The following OTUD7A variants were observed in gnomAD, a reference collection of about 807,000 sequenced individuals.
OTUD7A encodes the protein OTU deubiquitinase 7A, also known as OTU domain-containing protein 7A.
OTUD7A carries 12 observed loss-of-function variants against 65.7 expected under a neutral mutation model. The ratio of observed to expected loss-of-function variants is 0.18; its 90% CI spans 0.12 to 0.30. The LOEUF (loss-of-function observed/expected upper bound fraction) is 0.30, where lower values mean the gene tolerates loss of function less well. Ranked by LOEUF, OTUD7A falls within the 10% of genes least tolerant of loss-of-function variation. OTUD7A has a pLI of 1.00. For synonymous variants in OTUD7A, 641 were observed against 586.3 expected (o/e 1.09, Z -1.35); for missense variants, 1,148 against 1,304.8 (o/e 0.88, Z 1.85).
At chr15:31,527,075 C>T (rs2042024797) in intron 7 of OTUD7A, 106 bp downstream of exon 7, 1 of 1,507,146 alleles carries the variant, frequency 6.6e-7, no homozygotes, top group Non-Finnish European at 8.9e-7. Context: ...CTGCCTTCCC[C>T]TCATAAGACT....
At chr15:31,791,908 C>T (rs1039275325) in intron 1 of OTUD7A, among the ~76,000 whole-genome samples, 2 of 152,184 alleles carry the variant, frequency 1.3e-5, no homozygotes, top group South Asian at 4.2e-4. Context: ...AAATGCACTC[C>T]CATGAAGGCT....
At chr15:31,864,760 TAC>T (rs72128495) in intron 1 of OTUD7A, among the ~76,000 whole-genome samples, 48,766 of 146,290 alleles carry the variant, frequency 0.33, 8,201 homozygotes, top group South Asian at 0.54. Context: ...CTCCTCTTCC[TAC>T]ACACACACAC....
chr15:31,520,898 G>A (rs544645081), intron 8 of OTUD7A, among the ~76,000 whole-genome samples: 29 of 152,144 alleles, frequency 1.9e-4, no homozygotes, highest in Admixed American at 9.2e-4. Flanking sequence ...CATCAACGTA[G>A]GATTAGATAA....
intron 1 of OTUD7A, among the ~76,000 whole-genome samples, chr15:31,806,760 C>T (rs568210236): frequency 5.3e-5 from 8 of 152,236 alleles, no homozygotes; most frequent in Non-Finnish European, 7.3e-5. Context: ...ACAAAAGTGA[C>T]CACAGAGCAT....
intron 1 of OTUD7A, among the ~76,000 whole-genome samples, chr15:31,850,415 TG>T (rs899574292): frequency 1.0e-5 from 1 of 96,596 alleles, no homozygotes; most frequent in African/African-American, 3.9e-5. Context: ...TGTTGTGGGG[TG>T]GGGGGAGTGG....
intron 1 of OTUD7A, among the ~76,000 whole-genome samples, chr15:31,853,784 G>A (rs1897490779): frequency 6.6e-6 from 1 of 152,202 alleles, no homozygotes; most frequent in African/African-American, 2.4e-5. Context: ...CCACAAACTT[G>A]AATCCAGTGT....
At chr15:31,728,158 T>C (rs1893944089) in intron 1 of OTUD7A, among the ~76,000 whole-genome samples, 1 of 152,220 alleles carries the variant, frequency 6.6e-6, no homozygotes, top group African/African-American at 2.4e-5. Context: ...CTCCTCCAAT[T>C]TTCCTGAGTT....
intron 3 of OTUD7A, among the ~76,000 whole-genome samples, chr15:31,646,938 G>C (rs921064810): frequency 2.0e-5 from 3 of 152,176 alleles, no homozygotes; most frequent in Non-Finnish European, 4.4e-5. Flanking sequence ...GTCTGTTTAA[G>C]AGTATTTAAA....
intron 1 of OTUD7A, among the ~76,000 whole-genome samples, chr15:31,854,664 T>C (rs562997753): frequency 2.6e-5 from 4 of 152,328 alleles, no homozygotes; most frequent in African/African-American, 7.2e-5. Context: ...TAAAGTCAGC[T>C]GACTAGCAAC....
chr15:31,697,116 C>T (rs78661959), intron 1 of OTUD7A, among the ~76,000 whole-genome samples: 103,410 of 111,290 alleles, frequency 0.93, 48,109 homozygotes, highest in East Asian at 1. Context: ...CTTCTACTTG[C>T]TTTCAATTGC....
At chr15:31,517,819 A>G (rs955066192) in intron 8 of OTUD7A, among the ~76,000 whole-genome samples, 2 of 152,146 alleles carry the variant, frequency 1.3e-5, no homozygotes, top group Admixed American at 6.5e-5. Context: ...CTCAGGCCCC[A>G]GGGAACAGTT....
At chr15:31,787,405 T>C (rs945069088) in intron 1 of OTUD7A, 24 of 152,324 alleles carry the variant, frequency 1.6e-4, no homozygotes, top group African/African-American at 5.8e-4. Flanking sequence ...AAATGTTCAC[T>C]TATAAAAATA....
intron 3 of OTUD7A, among the ~76,000 whole-genome samples, chr15:31,652,915 G>T (rs971582417): frequency 3.3e-5 from 5 of 152,176 alleles, no homozygotes; most frequent in East Asian, 1.9e-4. Flanking sequence ...TGGAAAACAG[G>T]TTGGCAGTTT....
At chr15:31,805,300 G>A (rs1412727199) in intron 1 of OTUD7A, among the ~76,000 whole-genome samples, 2 of 152,216 alleles carry the variant, frequency 1.3e-5, no homozygotes, top group Non-Finnish European at 2.9e-5. Flanking sequence ...CTAGAGAGCT[G>A]GACAATTTGG....
At chr15:31,569,207 A>G (rs979257242) in intron 4 of OTUD7A, among the ~76,000 whole-genome samples, 3 of 152,252 alleles carry the variant, frequency 2.0e-5, no homozygotes, top group Non-Finnish European at 4.4e-5. Flanking sequence ...ATAGAAACAA[A>G]AGCACCAGTA....
chr15:31,776,779 G>A (rs1895393273), intron 1 of OTUD7A, among the ~76,000 whole-genome samples: 1 of 152,106 alleles, frequency 6.6e-6, no homozygotes, highest in African/African-American at 2.4e-5. Context: ...ATGTTAGTTT[G>A]TCCCTGAAAG....
At chr15:31,729,542 C>G (rs543375370) in intron 1 of OTUD7A, among the ~76,000 whole-genome samples, 1 of 152,342 alleles carries the variant, frequency 6.6e-6, no homozygotes, top group Admixed American at 6.5e-5. Flanking sequence ...AAAGTTAAAA[C>G]TGGCACTTAG....
chr15:31,740,049 A>G (rs1218724233), intron 1 of OTUD7A, among the ~76,000 whole-genome samples: 2 of 152,196 alleles, frequency 1.3e-5, no homozygotes, highest in Admixed American at 6.5e-5. Flanking sequence ...GACTACTACC[A>G]CGGTGAAAAG....
intron 1 of OTUD7A, among the ~76,000 whole-genome samples, chr15:31,718,488 C>T (rs1271474219): frequency 2.0e-5 from 3 of 151,520 alleles, no homozygotes; most frequent in Non-Finnish European, 2.9e-5. Context: ...AGAATCATCA[C>T]CTATTTAATA....
Sources: gnomAD v4.1 joint callset for allele counts (sites outside exome capture counted in the v4.1 genomes callset) on GRCh38, gnomAD v4.1.1 for gene constraint, MANE v1.5 for transcripts, NCBI Gene and HGNC (gene_info 2026-07-23, HGNC 2026-07-21) for gene names.